The following KHDRBS2 variants were observed in gnomAD, a reference collection of about 807,000 sequenced individuals.
KHDRBS2 encodes the protein KH RNA binding domain containing, signal transduction associated 2, also known as KH domain-containing, RNA-binding, signal transduction-associated protein 2.
Under a neutral mutation model 44.3 loss-of-function variants are expected in KHDRBS2, and 26 were observed. The observed-to-expected ratio is 0.59, with a 90% confidence interval of 0.43 to 0.81. The LOEUF is 0.81. Ranked by LOEUF, KHDRBS2 falls within the 40% of genes least tolerant of loss-of-function variation. The pLI, the probability that KHDRBS2 is intolerant of heterozygous loss-of-function variation, is 0.00. For synonymous variants in KHDRBS2, 194 were observed against 151.1 expected (o/e 1.28, Z -2.08); for missense variants, 476 against 433.1 (o/e 1.10, Z -0.88).
At chr6:62,063,362 T>C (rs1345399785) in intron 2 of KHDRBS2, among the ~76,000 whole-genome samples, 2 of 151,584 alleles carry the variant, frequency 1.3e-5, no homozygotes, top group East Asian at 2.0e-4. Flanking sequence ...TTGATGAACA[T>C]TGATGCAAAA....
At chr6:61,732,086 C>T (rs189988035) in intron 7 of KHDRBS2, among the ~76,000 whole-genome samples, 6 of 151,952 alleles carry the variant, frequency 3.9e-5, no homozygotes, top group Admixed American at 6.6e-5. Flanking sequence ...ATCTGCCAAA[C>T]GTATACAGCT....
At chr6:61,894,925 A>G in intron 5 of KHDRBS2, 92 bp from the exon 6 acceptor site, 1 of 752,120 alleles carries the variant, frequency 1.3e-6, no homozygotes, top group South Asian at 1.6e-5. Context: ...GCCTCCATAC[A>G]ATGAAATAAA....
chr6:61,596,349 G>A, the KHDRBS2 span, among the ~76,000 whole-genome samples: 5 of 152,120 alleles, frequency 3.3e-5, no homozygotes, highest in African/African-American at 4.8e-5. Flanking sequence ...ATTATTTTTA[G>A]TACTGAAAAT....
intron 3 of KHDRBS2, among the ~76,000 whole-genome samples, chr6:61,981,909 C>A (rs188016175): frequency 9.2e-5 from 14 of 152,178 alleles, no homozygotes; most frequent in African/African-American, 3.1e-4. Context: ...TGGTCAATAA[C>A]CTTGATCTCC....
At chr6:61,646,415 T>G in the KHDRBS2 span, among the ~76,000 whole-genome samples, 2 of 152,168 alleles carry the variant, frequency 1.3e-5, no homozygotes, top group African/African-American at 4.8e-5. Flanking sequence ...TATATGTCTT[T>G]TCCTCCAAGG....
At chr6:61,852,000 T>C (rs1795496601) in intron 6 of KHDRBS2, among the ~76,000 whole-genome samples, 2 of 152,114 alleles carry the variant, frequency 1.3e-5, no homozygotes, top group Non-Finnish European at 2.9e-5. Flanking sequence ...GGCAGGCGGA[T>C]CACCTGAGTT....
At chr6:62,212,612 G>A (rs1354809069) in intron 1 of KHDRBS2, among the ~76,000 whole-genome samples, 3 of 152,174 alleles carry the variant, frequency 2.0e-5, no homozygotes, top group Non-Finnish European at 4.4e-5. Flanking sequence ...AAAGAGGACA[G>A]ACAAGCAAAG....
At chr6:62,145,540 T>C (rs868178805) in intron 2 of KHDRBS2, among the ~76,000 whole-genome samples, 2 of 151,780 alleles carry the variant, frequency 1.3e-5, no homozygotes, top group Non-Finnish European at 2.9e-5. Context: ...CTTGGACCAA[T>C]GTGATGTTAA....
chr6:61,866,065 ATGGTGGCCCTCTTCTCACAGTTCC>A (rs969538552), intron 6 of KHDRBS2, among the ~76,000 whole-genome samples: 3 of 152,116 alleles, frequency 2.0e-5, no homozygotes, highest in Non-Finnish European at 4.4e-5. Flanking sequence ...GCTCTGGAGG[ATGGTGGCCCTCTTCTCACAGTTCC>A]TGGTGGCCCT....
the KHDRBS2 span, among the ~76,000 whole-genome samples, chr6:61,612,928 C>T: frequency 4.1e-5 from 6 of 144,942 alleles, no homozygotes; most frequent in Non-Finnish European, 7.4e-5. Context: ...TCTCGGCTGA[C>T]GGCAAGCTCC....
At chr6:61,634,419 C>A in the KHDRBS2 span, among the ~76,000 whole-genome samples, 7 of 152,020 alleles carry the variant, frequency 4.6e-5, no homozygotes, top group Non-Finnish European at 7.4e-5. Context: ...AGCATTCTTA[C>A]TGGACTGGGA....
intron 4 of KHDRBS2, among the ~76,000 whole-genome samples, chr6:61,945,097 AAAAAAAAAAAAAAAAGT>A (rs1481995072): frequency 7.4e-5 from 5 of 67,870 alleles, no homozygotes; most frequent in African/African-American, 3.1e-4. Flanking sequence ...TCTTAAAAAA[AAAAAAAAAAAAAAAAGT>A]ATATATATAT....
chr6:62,014,583 AT>A (rs1780873154), intron 3 of KHDRBS2, among the ~76,000 whole-genome samples: 1 of 152,218 alleles, frequency 6.6e-6, no homozygotes, highest in East Asian at 1.9e-4. Flanking sequence ...ATGACAAAAA[AT>A]AATTCAATTC....
At chr6:62,054,423 C>T (rs1347473173) in intron 2 of KHDRBS2, among the ~76,000 whole-genome samples, 1 of 152,040 alleles carries the variant, frequency 6.6e-6, no homozygotes, top group African/African-American at 2.4e-5. Context: ...AGATCACTGA[C>T]TGAATAATGG....
chr6:61,957,188 C>T (rs1767563701), intron 4 of KHDRBS2, among the ~76,000 whole-genome samples: 1 of 152,142 alleles, frequency 6.6e-6, no homozygotes, highest in South Asian at 2.1e-4. Context: ...TTAATCCTGT[C>T]ATCTTTGTTA....
At chr6:61,655,813 T>A in the KHDRBS2 span, among the ~76,000 whole-genome samples, 1 of 152,130 alleles carries the variant, frequency 6.6e-6, no homozygotes, top group Non-Finnish European at 1.5e-5. Context: ...CCTTGAATTG[T>A]CAAAGAAAGG....
intron 1 of KHDRBS2, among the ~76,000 whole-genome samples, chr6:62,198,781 AG>A (rs1327811531): frequency 2.0e-5 from 3 of 152,116 alleles, no homozygotes; most frequent in Admixed American, 1.3e-4. Flanking sequence ...GAGACACAAC[AG>A]AAAAAAGAGA....
At chr6:61,775,093 C>G (rs56162232) in intron 6 of KHDRBS2, among the ~76,000 whole-genome samples, 62 of 152,094 alleles carry the variant, frequency 4.1e-4, no homozygotes, top group Non-Finnish European at 8.4e-4. Context: ...ATTCAACAAC[C>G]CTTCATGCTA....
At chr6:61,617,271 A>T in the KHDRBS2 span, among the ~76,000 whole-genome samples, 2 of 152,190 alleles carry the variant, frequency 1.3e-5, no homozygotes, top group African/African-American at 4.8e-5. Context: ...TTAAAGACTG[A>T]TTCATAAAAA....
Sources: allele counts gnomAD v4.1 joint callset (sites outside exome capture counted in the v4.1 genomes callset), GRCh38; gene constraint gnomAD v4.1.1; transcripts MANE v1.5; gene names NCBI Gene and HGNC (gene_info 2026-07-23, HGNC 2026-07-21).